VTCN1: variants seen among roughly 807,000 people sequenced by gnomAD.
VTCN1 encodes the protein V-set domain-containing T-cell activation inhibitor 1.
In VTCN1, 26 loss-of-function variants were observed where a neutral mutation model predicts 26.5. The ratio of observed to expected loss-of-function variants is 0.98; its 90% CI spans 0.72 to 1.36. The LOEUF (loss-of-function observed/expected upper bound fraction) is 1.36. Ranked by LOEUF, VTCN1 falls within the 40% of genes most tolerant of loss-of-function variation. VTCN1 has a pLI of 0.00. For missense variants in VTCN1, 298 were observed against 337.7 expected (o/e 0.88, Z 0.92); for synonymous variants, 116 against 130.7 (o/e 0.89, Z 0.77).
In VTCN1 at chr1:117,164,031, C is replaced by T. The variant is rs1363433410; in HGVS notation, c.97+6076G>A. ...CACCAGGTTATTTAGGGGTGTATGTCTGCTGCTTGAACCCCAACAGCTGGG... is the reference window on the plus strand; with the variant it reads ...CACCAGGTTATTTAGGGGTGTATGTTTGCTGCTTGAACCCCAACAGCTGGG... On this transcript the variant is annotated intron_variant, in intron 2 of 5. Transcript: ENST00000369458. Among the ~76,000 whole-genome samples the T allele has an allele frequency of 2.6e-5, 4 of 152,224 alleles. No homozygotes were observed. The East Asian group carries it at 7.7e-4, about 29-fold the overall frequency.
At chr1:117,157,919 G>A (rs939551676) in intron 2 of VTCN1, among the ~76,000 whole-genome samples, 1 of 152,170 alleles carries the variant, frequency 6.6e-6, no homozygotes, top group Non-Finnish European at 1.5e-5. Flanking sequence ...CCAAAACAAA[G>A]TAGTTACAGG....
intron 1 of VTCN1, among the ~76,000 whole-genome samples, chr1:117,180,118 T>TC (rs1056912824): frequency 1.1e-3 from 172 of 151,622 alleles, no homozygotes; most frequent in African/African-American, 4.0e-3. Context: ...AAAATTTCTC[T>TC]CCCCCCCAGG....
At chr1:117,206,270 C>A (rs540544893) in intron 1 of VTCN1, among the ~76,000 whole-genome samples, 1 of 152,036 alleles carries the variant, frequency 6.6e-6, no homozygotes, top group Non-Finnish European at 1.5e-5. Context: ...ACCCTCACTG[C>A]AACATCTGTT....
chr1:117,149,933 G>C (rs1557858789), intron 4 of VTCN1, among the ~76,000 whole-genome samples: 2 of 152,126 alleles, frequency 1.3e-5, no homozygotes, highest in Non-Finnish European at 2.9e-5. Context: ...TCGAACACTT[G>C]TTTTGATGTA....
At chr1:117,149,084 G>A (rs72699161) in intron 4 of VTCN1, among the ~76,000 whole-genome samples, 5,163 of 152,186 alleles carry the variant, frequency 0.034, 119 homozygotes, top group Middle Eastern at 0.054. Context: ...GAAGAGAGAG[G>A]CTAAAAAGAT....
Position 117,155,945 on chromosome 1 carries a change from T to C in VTCN1, c.445+629A>G, listed in dbSNP as rs6702506. 0.19 allele frequency among the ~76,000 whole-genome samples: 28,932 copies of C among 152,134 alleles called. 5,314 individuals are homozygous for C. The highest frequency in any genetic ancestry group is 0.48 in the African/African-American group (20,056 of 41,422). ...ATCATTTACAGACTTTTATTATCTC[T>C]GTCCTGACCCCTAACTCTGTGAGAT... On this transcript the variant is annotated intron_variant, in intron 3 of 5. Transcript: ENST00000369458. The surrounding 1 kb of genome is among the most constrained non-coding windows in gnomAD (Gnocchi z 4.8).
intron 1 of VTCN1, among the ~76,000 whole-genome samples, chr1:117,204,766 T>C (rs1040233293): frequency 1.3e-5 from 2 of 151,822 alleles, no homozygotes; most frequent in Non-Finnish European, 2.9e-5. Flanking sequence ...CTCAGGAGGC[T>C]GAGGCAGGAG....
intron 1 of VTCN1, among the ~76,000 whole-genome samples, chr1:117,178,587 C>CTTTTT (rs1647504273): frequency 1.2e-4 from 5 of 43,292 alleles, no homozygotes; most frequent in African/African-American, 6.0e-4. Flanking sequence ...TTCTTTCTTT[C>CTTTTT]GTTTTTTTTT....
chr1:117,197,178 A>G (rs1648554624), intron 1 of VTCN1, among the ~76,000 whole-genome samples: 1 of 152,208 alleles, frequency 6.6e-6, no homozygotes, highest in South Asian at 2.1e-4. Context: ...GTGAAACTGT[A>G]AGTACTTATT....
chr1:117,180,643 G>A (rs1189707417), intron 1 of VTCN1, among the ~76,000 whole-genome samples: 1 of 152,246 alleles, frequency 6.6e-6, no homozygotes, highest in Admixed American at 6.5e-5. Flanking sequence ...CAAAGTGGAG[G>A]TTAAGAGAGA....
chr1:117,210,635 C>A (rs910808230), intron 1 of VTCN1, among the ~76,000 whole-genome samples, 189 bp downstream of exon 1: 1 of 152,222 alleles, frequency 6.6e-6, no homozygotes, highest in Non-Finnish European at 1.5e-5. Context: ...GTGCCTTGAG[C>A]AGCTGAGGTG....
At chr1:117,206,827 T>C (rs1649096175) in intron 1 of VTCN1, among the ~76,000 whole-genome samples, 1 of 152,066 alleles carries the variant, frequency 6.6e-6, no homozygotes, top group Non-Finnish European at 1.5e-5. Context: ...ACTCAGAAAA[T>C]CATCTACCCT....
chr1:117,162,822 C>G (rs1652432077), intron 2 of VTCN1, among the ~76,000 whole-genome samples: 1 of 152,162 alleles, frequency 6.6e-6, no homozygotes, highest in East Asian at 1.9e-4. Flanking sequence ...GTAGGAATAT[C>G]TTGAAGTGGG....
chr1:117,152,690 A>G (rs1365934130), intron 4 of VTCN1, among the ~76,000 whole-genome samples: 1 of 136,394 alleles, frequency 7.3e-6, no homozygotes, highest in African/African-American at 2.6e-5. Flanking sequence ...GGGTGGAAGC[A>G]AACCTTGGTT....
intron 3 of VTCN1, among the ~76,000 whole-genome samples, chr1:117,153,720 G>C (rs1240754386): frequency 6.6e-6 from 1 of 152,134 alleles, no homozygotes; most frequent in African/African-American, 2.4e-5. Flanking sequence ...CATTTTCCTA[G>C]GGATCTGTGA....
intron 3 of VTCN1, among the ~76,000 whole-genome samples, chr1:117,154,354 A>T (rs1011779690): frequency 2.0e-5 from 3 of 148,974 alleles, no homozygotes; most frequent in East Asian, 1.9e-4. Flanking sequence ...CATCCCCATT[A>T]AAAAAAAATC....
intron 1 of VTCN1, among the ~76,000 whole-genome samples, chr1:117,189,025 C>A (rs1192066935): frequency 6.6e-6 from 1 of 152,118 alleles, no homozygotes; most frequent in East Asian, 1.9e-4. Context: ...TCACGGTAAA[C>A]AAAATATCAG....
At position 117,146,289 on chromosome 1, in the gene VTCN1, C is replaced by T. The variant is rs1311792004; in HGVS notation, c.*46-1064G>A. Among the ~76,000 whole-genome samples the T allele has an allele frequency of 6.6e-6, 1 of 152,158 alleles. No homozygotes were observed. Among genetic ancestry groups the T allele is most frequent in the South Asian group, 2.1e-4 (1 of 4,828 alleles). On this transcript the variant is annotated intron_variant, in intron 5 of 5. Transcript: ENST00000369458. The surrounding 1 kb of genome is among the most constrained non-coding windows in gnomAD (Gnocchi z 4.2). ...TCCTTAGGGAAATCTCTGCTGACAA[C>T]TGTGGAGGATTGGAAATGATGAAAA... is the stretch of plus-strand genomic sequence containing the variant.
Position 117,169,453 on chromosome 1 carries a change from C to A in VTCN1, c.97+654G>T, listed in dbSNP as rs535033671. ...AAAGAAATCATCTACCCAGGCCAAC[C>A]GCTGACAGAATGGCTCAGAGGCAGC... On this transcript the variant is annotated intron_variant, in intron 2 of 5. Coordinates refer to ENST00000369458, the MANE Select transcript of VTCN1 (RefSeq NM_024626.4). This position sits in a 1 kb window ranked among gnomAD's most constrained non-coding sequence, Gnocchi z 4.0. Among the ~76,000 whole-genome samples, 2 of 152,332 alleles carry A rather than the reference C, an allele frequency of 1.3e-5. No individual in the cohort carries two copies. The highest frequency in any genetic ancestry group is 2.4e-5 in the African/African-American group (1 of 41,572).
Sources: gnomAD v4.1 joint callset for allele counts (sites outside exome capture counted in the v4.1 genomes callset) on GRCh38, gnomAD v4.1.1 for gene constraint, Gnocchi (gnomAD v3.1) non-coding constraint, MANE v1.5 for transcripts, NCBI Gene and HGNC (gene_info 2026-07-23, HGNC 2026-07-21) for gene names.